PCDH11X: variants seen among roughly 807,000 people sequenced by gnomAD.
The protein encoded by PCDH11X is protocadherin-11 X-linked.
A neutral mutation model predicts 53.3 loss-of-function variants in PCDH11X; 18 were observed. The ratio of observed to expected loss-of-function variants is 0.34; its 90% CI spans 0.23 to 0.50. The LOEUF is 0.50. PCDH11X is among the 20% of genes least tolerant of loss of function. The pLI is 0.98. For synonymous variants in PCDH11X, 279 were observed against 393.3 expected, an observed-to-expected ratio of 0.71 and a Z score of 3.44; for missense variants, 570 against 1,032.4, an observed-to-expected ratio of 0.55 and a Z score of 6.14.
chrX:91,899,198 G>A (rs1940863541), intron 6 of PCDH11X, among the ~76,000 whole-genome samples: 1 of 110,859 alleles, frequency 9.0e-6, no homozygotes, highest in African/African-American at 3.3e-5. Context: ...TAGGGAAGTC[G>A]ACAGTGCAAC....
chrX:92,201,317 T>C (rs756393223), intron 6 of PCDH11X, 58 bp from the exon 7 acceptor site: 281 of 1,157,709 alleles, frequency 2.4e-4, no homozygotes, highest in Non-Finnish European at 3.2e-4. Context: ...TGAAATGTAC[T>C]GTGTATTTTA....
chrX:91,801,403 A>G (rs1447900844), intron 1 of PCDH11X, among the ~76,000 whole-genome samples: 9 of 110,101 alleles, frequency 8.2e-5, no homozygotes, highest in Non-Finnish European at 1.3e-4. Context: ...TGCCTGAATA[A>G]TGGAGATTTC....
intron 4 of PCDH11X, among the ~76,000 whole-genome samples, chrX:91,827,371 A>G (rs1936959537): frequency 9.0e-6 from 1 of 111,527 alleles, no homozygotes; most frequent in Admixed American, 9.6e-5. Context: ...TGTCAGATGC[A>G]TAGTTAGCAA....
At chrX:91,968,068 T>A (rs984528370) in intron 6 of PCDH11X, among the ~76,000 whole-genome samples, 3 of 111,776 alleles carry the variant, frequency 2.7e-5, no homozygotes, top group Non-Finnish European at 5.6e-5. Flanking sequence ...ATTGCAGTTT[T>A]GAGTAGTGCA....
chrX:91,922,799 A>G (rs1019210511), intron 6 of PCDH11X, among the ~76,000 whole-genome samples: 1 of 111,475 alleles, frequency 9.0e-6, no homozygotes, highest in Non-Finnish European at 1.9e-5. Flanking sequence ...CCCTGCTTTC[A>G]ATAACAGAAT....
chrX:92,014,664 A>T (rs1400338299), intron 6 of PCDH11X, among the ~76,000 whole-genome samples: 1 of 112,175 alleles, frequency 8.9e-6, no homozygotes, highest in Non-Finnish European at 1.9e-5. Flanking sequence ...GACTGGATTA[A>T]GAAAATGTGG....
At chrX:91,802,592 G>C (rs1369643827) in intron 1 of PCDH11X, among the ~76,000 whole-genome samples, 1 of 111,511 alleles carries the variant, frequency 9.0e-6, no homozygotes, top group African/African-American at 3.3e-5. Context: ...GCTTTTCCCA[G>C]ATATTTGGAA....
intron 1 of PCDH11X, among the ~76,000 whole-genome samples, chrX:91,801,122 G>A (rs1182054291): frequency 5.2e-5 from 5 of 96,013 alleles, no homozygotes; most frequent in African/African-American, 1.6e-4. Context: ...GGAGGCTGCA[G>A]TGAACCATGA....
intron 4 of PCDH11X, among the ~76,000 whole-genome samples, chrX:91,829,615 C>T (rs1204242872): frequency 9.0e-6 from 1 of 110,996 alleles, no homozygotes; most frequent in Non-Finnish European, 1.9e-5. Context: ...CCAAGCCCAT[C>T]ACTTTCTGTT....
At chrX:92,540,961 T>A (rs2074746162) in intron 10 of PCDH11X, among the ~76,000 whole-genome samples, 1 of 108,941 alleles carries the variant, frequency 9.2e-6, no homozygotes, top group African/African-American at 3.3e-5. Context: ...TTTCTTAATC[T>A]GAAGAAAGGA....
At chrX:92,295,960 G>A (rs2068599541) in intron 8 of PCDH11X, among the ~76,000 whole-genome samples, 1 of 109,568 alleles carries the variant, frequency 9.1e-6, no homozygotes, top group Non-Finnish European at 1.9e-5. Flanking sequence ...GCATACACAT[G>A]TAGTCTAAGC....
intron 4 of PCDH11X, among the ~76,000 whole-genome samples, chrX:91,823,632 T>A (rs1213002293): frequency 5.4e-5 from 6 of 111,815 alleles, no homozygotes; most frequent in Non-Finnish European, 1.1e-4. Context: ...TTATCCAATT[T>A]GCCAGTCTGT....
intron 10 of PCDH11X, among the ~76,000 whole-genome samples, chrX:92,516,751 T>C (rs1162239042): frequency 6.2e-5 from 7 of 112,251 alleles, no homozygotes. Context: ...CTTAATTTCC[T>C]CCTGTGTTAG....
At chrX:92,122,924 G>A (rs1196760526) in intron 6 of PCDH11X, among the ~76,000 whole-genome samples, 1 of 110,869 alleles carries the variant, frequency 9.0e-6, no homozygotes, top group Non-Finnish European at 1.9e-5. Context: ...GCGACAGAGC[G>A]ACACTCCATC....
chrX:92,091,620 G>T (rs748484055), intron 6 of PCDH11X, among the ~76,000 whole-genome samples: 3 of 111,221 alleles, frequency 2.7e-5, no homozygotes, highest in Admixed American at 1.9e-4. Context: ...CATTGGCTTG[G>T]TTCAGAAAGG....
chrX:92,351,317 G>T (rs1038233920), intron 8 of PCDH11X, among the ~76,000 whole-genome samples: 7 of 111,427 alleles, frequency 6.3e-5, no homozygotes, highest in Non-Finnish European at 1.3e-4. Flanking sequence ...AGTCATCCAA[G>T]AATGACTCAG....
chrX:92,113,994 C>G, intron 6 of PCDH11X: 1 of 1,208,268 alleles, frequency 8.3e-7, no homozygotes. Flanking sequence ...TAGGGGTACC[C>G]ACGATGATGT....
intron 6 of PCDH11X, among the ~76,000 whole-genome samples, chrX:91,949,946 T>A (rs918428050): frequency 9.2e-5 from 10 of 108,640 alleles, no homozygotes; most frequent in African/African-American, 3.0e-4. Flanking sequence ...AGAAGTGGGA[T>A]GGCTAGTAGA....
intron 6 of PCDH11X, among the ~76,000 whole-genome samples, chrX:92,050,735 C>T (rs2063356404): frequency 9.1e-6 from 1 of 110,434 alleles, no homozygotes; most frequent in Non-Finnish European, 1.9e-5. Flanking sequence ...AGGGTAGTTT[C>T]TAGCAGACAG....
Sources: gnomAD v4.1 joint callset for allele counts (sites outside exome capture counted in the v4.1 genomes callset) on GRCh38, gnomAD v4.1.1 for gene constraint, MANE v1.5 for transcripts, NCBI Gene and HGNC (gene_info 2026-07-23, HGNC 2026-07-21) for gene names.